MICAL3: variants seen among roughly 807,000 people sequenced by gnomAD.
The protein encoded by MICAL3 is [F-actin]-monooxygenase MICAL3.
MICAL3 carries 62 observed loss-of-function variants against 207.4 expected under a neutral mutation model. The observed-to-expected ratio is 0.30, with a 90% CI of 0.24 to 0.37. The LOEUF (loss-of-function observed/expected upper bound fraction) is 0.37. Among genes scored for constraint, MICAL3 ranks in the 10% least tolerant of loss-of-function variants. The pLI, the probability that MICAL3 is intolerant of heterozygous loss-of-function variation, is 1.00. For synonymous variants in MICAL3, 1,077 were observed against 1,069.3 expected, an observed-to-expected ratio of 1.01 and a Z score of -0.14; for missense variants, 2,368 against 2,635.6, an observed-to-expected ratio of 0.90 and a Z score of 2.22.
rs534220294 is a variant in MICAL3 at position 17,930,695 on chromosome 22, T to C, written c.-74-23809A>G. ...TCTGGACAGTGGTGCTGTGTCAACT[T>C]GGTTAAGCTGGGAACTGTCTCCCAG... On this transcript the variant is annotated intron_variant, in intron 1 of 31. Coordinates refer to ENST00000441493, the MANE Select transcript of MICAL3 (RefSeq NM_015241.3). 7.4e-4 allele frequency among the ~76,000 whole-genome samples: 113 copies of C among 152,326 alleles called. 1 individual carries two copies. Among genetic ancestry groups the C allele is most frequent in the African/African-American group, 2.6e-3 (107 of 41,572 alleles).
chr22:17,892,878 A>G (rs766223657), intron 11 of MICAL3, among the ~76,000 whole-genome samples: 8 of 152,130 alleles, frequency 5.3e-5, no homozygotes, highest in Non-Finnish European at 1.0e-4. Context: ...AGCACCATCT[A>G]CAAACACCTA....
intron 1 of MICAL3, among the ~76,000 whole-genome samples, chr22:17,916,080 A>G (rs1047682104): frequency 2.2e-4 from 31 of 143,614 alleles, no homozygotes; most frequent in Non-Finnish European, 3.9e-4. Flanking sequence ...AAAAAAAAAA[A>G]CCCAAAAAGC....
intron 1 of MICAL3, among the ~76,000 whole-genome samples, chr22:17,968,905 C>T (rs545961560): frequency 2.3e-4 from 35 of 152,154 alleles, no homozygotes; most frequent in Non-Finnish European, 4.9e-4. Flanking sequence ...AATAAATGGT[C>T]TCATGGGTAA....
intron 19 of MICAL3, chr22:17,861,929 TTTTTTG>T: frequency 1.0e-6 from 1 of 985,378 alleles, no homozygotes; most frequent in South Asian, 4.7e-5. Flanking sequence ...GTGGGTGTGT[TTTTTTG>T]TTTTTGTTTT....
intron 29 of MICAL3, among the ~76,000 whole-genome samples, chr22:17,804,810 T>G (rs1384279721): frequency 7.9e-5 from 12 of 152,044 alleles, no homozygotes; most frequent in Admixed American, 7.9e-4. Context: ...CCCTTGAGAG[T>G]GACACAGCAG....
At position 17,885,925 on chromosome 22, in the gene MICAL3, T is replaced by C. The variant is rs1334219285; in HGVS notation, c.2194A>G (p.Lys732Glu). The C allele has an allele frequency of 6.2e-7, 1 of 1,614,026 alleles. No individual in the cohort carries two copies. Among genetic ancestry groups the C allele is most frequent in the Non-Finnish European group, 8.5e-7 (1 of 1,179,902 alleles). Residue 732 changes from lysine (K) to glutamate (E), a missense_variant, in exon 16 of 32, where the codon AAA becomes GAA. Around this residue, in one of 4 missense-constraint regions of MICAL3, gnomAD observed 1,770 missense variants for 1,863.2 expected, o/e 0.95. Transcript: ENST00000441493. ...VKYMATQLLA[K>E]FEENAPAQSI... is the part of the protein sequence containing the mutation. ...TGTGCGGGCGCATTCTCTTCAAATT[T>C]GGCCAGCAGCTGGGTCGCCATGTAC... is the stretch of plus-strand genomic sequence containing the variant.
At chr22:17,884,338 G>A in intron 16 of MICAL3, 1 of 1,593,492 alleles carries the variant, frequency 6.3e-7, no homozygotes, top group Non-Finnish European at 8.5e-7. Context: ...ACGGCTGGCT[G>A]GCCCCACGCT....
At chr22:17,851,202 G>A (rs1260061251) in intron 19 of MICAL3, among the ~76,000 whole-genome samples, 1 of 152,194 alleles carries the variant, frequency 6.6e-6, no homozygotes, top group African/African-American at 2.4e-5. Flanking sequence ...TGAACCGGGA[G>A]GTTCCATACA....
chr22:17,791,760 G>T, intron 29 of MICAL3: 1 of 179,326 alleles, frequency 5.6e-6, no homozygotes, highest in East Asian at 1.5e-4. Flanking sequence ...CTCTTTCTTG[G>T]GCTACTGCCC....
chr22:17,995,789 A>G (rs899052124), intron 1 of MICAL3, among the ~76,000 whole-genome samples: 1 of 152,004 alleles, frequency 6.6e-6, no homozygotes, highest in Non-Finnish European at 1.5e-5. Context: ...GATTACAGGC[A>G]TGACCCACCA....
chr22:17,875,972 T>A (rs545735777), intron 16 of MICAL3, among the ~76,000 whole-genome samples: 32 of 152,278 alleles, frequency 2.1e-4, no homozygotes, highest in Middle Eastern at 3.4e-3. Context: ...CGCCACCCTA[T>A]CACTCCATTG....
At chr22:17,986,979 C>G (rs1921087065) in intron 1 of MICAL3, among the ~76,000 whole-genome samples, 1 of 152,076 alleles carries the variant, frequency 6.6e-6, no homozygotes, top group Non-Finnish European at 1.5e-5. Context: ...TGGCTCACAT[C>G]TGTAATTCCA....
chr22:17,896,051 T>TA (rs1471167630), intron 9 of MICAL3, among the ~76,000 whole-genome samples, 195 bp downstream of exon 9: 1 of 152,248 alleles, frequency 6.6e-6, no homozygotes, highest in Non-Finnish European at 1.5e-5. Flanking sequence ...AGAGAAGACT[T>TA]AGTCTAGGAG....
intron 19 of MICAL3, among the ~76,000 whole-genome samples, chr22:17,851,902 C>T (rs1214276170): frequency 1.3e-5 from 2 of 152,212 alleles, no homozygotes; most frequent in African/African-American, 4.8e-5. Flanking sequence ...GAAAGGGGCC[C>T]AGTGTTGACA....
chr22:17,964,623 A>G (rs1460441728), intron 1 of MICAL3, among the ~76,000 whole-genome samples: 1 of 152,166 alleles, frequency 6.6e-6, no homozygotes, highest in African/African-American at 2.4e-5. Flanking sequence ...CCACCTCCAC[A>G]CTAGAACCCT....
At position 17,970,254 on chromosome 22, in the gene MICAL3, G is replaced by C. The variant is rs531014138; in HGVS notation, c.-75+54027C>G. On this transcript the variant is annotated intron_variant, in intron 1 of 31. Transcript: ENST00000441493. ...GCCCATGTTGTTGAATGGGATTTGA[G>C]AATGGACGCCAGGTTCTAAATCTGC... Among the ~76,000 whole-genome samples the C allele has an allele frequency of 1.6e-3, 248 of 152,192 alleles. 2 individuals are homozygous for C. The highest frequency in any genetic ancestry group is 5.7e-3 in the African/African-American group (236 of 41,422).
At chr22:17,882,468 A>G (rs1283133963) in intron 16 of MICAL3, among the ~76,000 whole-genome samples, 1 of 152,202 alleles carries the variant, frequency 6.6e-6, no homozygotes, top group African/African-American at 2.4e-5. Context: ...GGCATCAGAC[A>G]CAGGGCCTGG....
intron 1 of MICAL3, among the ~76,000 whole-genome samples, chr22:17,931,020 C>T (rs1296062418): frequency 6.6e-6 from 1 of 152,204 alleles, no homozygotes; most frequent in Non-Finnish European, 1.5e-5. Context: ...CGCAACAGAC[C>T]GGGTTCCGGG....
chr22:17,995,491 ATTTTTTTTTTTT>A (rs138357470), intron 1 of MICAL3, among the ~76,000 whole-genome samples: 8 of 77,594 alleles, frequency 1.0e-4, no homozygotes, highest in South Asian at 9.4e-4. Context: ...CTTTTCTTTA[ATTTTTTTTTTTT>A]TTTTTTTTTT....
Sources: gnomAD v4.1 joint callset for allele counts (sites outside exome capture counted in the v4.1 genomes callset) on GRCh38, gnomAD v4.1.1 for gene constraint, gnomAD v4.1.1 regional missense constraint, MANE v1.5 for transcripts, NCBI Gene and HGNC (gene_info 2026-07-23, HGNC 2026-07-21) for gene names.